The following PFDN1 variants were observed in gnomAD, a reference collection of about 807,000 sequenced individuals.
PFDN1 encodes prefoldin subunit 1.
In PFDN1, 6 loss-of-function variants were observed where a neutral mutation model predicts 17.3. The ratio of observed to expected loss-of-function variants is 0.35; its 90% CI spans 0.19 to 0.69. The LOEUF is 0.69. Ranked by LOEUF, PFDN1 falls within the 30% of genes least tolerant of loss-of-function variation. PFDN1 has a pLI of 0.65. For synonymous variants in PFDN1, 58 were observed against 50.1 expected, an observed-to-expected ratio of 1.16 and a Z score of -0.67; for missense variants, 113 against 146.2, an observed-to-expected ratio of 0.77 and a Z score of 1.17.
chr5:140,280,433 GT>G (rs905259884), intron 3 of PFDN1, among the ~76,000 whole-genome samples: 1 of 152,012 alleles, frequency 6.6e-6, no homozygotes, highest in South Asian at 2.1e-4. Context: ...TCTTTACTTG[GT>G]TTTTTTGCTT....
At chr5:140,300,777 T>C (rs187360233) in intron 1 of PFDN1, among the ~76,000 whole-genome samples, 195 bp from the exon 2 acceptor site, 39 of 152,328 alleles carry the variant, frequency 2.6e-4, no homozygotes, top group Admixed American at 1.7e-3. Context: ...CATCAGAAGA[T>C]ACAATCAGTG....
In PFDN1 at chr5:140,296,556, T is replaced by C. The variant is rs186603969; in HGVS notation, c.200+3860A>G. Among the ~76,000 whole-genome samples, 6 of 152,256 alleles carry C rather than the reference T, an allele frequency of 3.9e-5. 1 individual carries two copies. The highest frequency in any genetic ancestry group is 3.3e-4 in the Admixed American group (5 of 15,294). The stretch of plus-strand genomic sequence containing the variant: ...GGCAAAGTAAGAGTAGAGCTATGTC[T>C]TGAAGGATAAGAATTTCACAAGGAA... On this transcript the variant is annotated intron_variant, in intron 2 of 3. Coordinates refer to ENST00000261813, the MANE Select transcript of PFDN1 (RefSeq NM_002622.5).
intron 2 of PFDN1, among the ~76,000 whole-genome samples, chr5:140,290,867 A>C (rs915648620): frequency 5.9e-5 from 9 of 152,220 alleles, no homozygotes; most frequent in African/African-American, 2.2e-4. Context: ...GGGTAGAAGA[A>C]GGGAAAAAAT....
rs1301233927 is a variant in PFDN1 at position 140,251,883 on chromosome 5, CA to C, written c.286-5827del. Among the ~76,000 whole-genome samples the C allele has an allele frequency of 1.2e-3, 188 of 152,308 alleles. 2 individuals are homozygous for C. The highest frequency in any genetic ancestry group is 2.1e-4 in the Non-Finnish European group (14 of 68,016). On this transcript the variant is annotated intron_variant, in intron 3 of 3. Coordinates refer to ENST00000261813, the MANE Select transcript of PFDN1 (RefSeq NM_002622.5). ...TCCCTAGAACTTTTCTGACATGACACAATCTCTCAAATAGACTCCTGAGGTA... is the reference window on the plus strand; with the variant it reads ...TCCCTAGAACTTTTCTGACATGACACATCTCTCAAATAGACTCCTGAGGTA...
At chr5:140,257,838 T>C (rs905004026) in intron 3 of PFDN1, among the ~76,000 whole-genome samples, 4 of 152,086 alleles carry the variant, frequency 2.6e-5, no homozygotes, top group African/African-American at 7.2e-5. Context: ...TTAGCTACCA[T>C]TGTAATAAGG....
At chr5:140,300,041 A>G (rs964624361) in intron 2 of PFDN1, among the ~76,000 whole-genome samples, 16 of 151,876 alleles carry the variant, frequency 1.1e-4, no homozygotes, top group African/African-American at 3.9e-4. Context: ...ACTTTAAACC[A>G]AAGTTTCTTT....
chr5:140,302,985 A>G (rs543719308), intron 1 of PFDN1, 56 bp downstream of exon 1: 40 of 1,202,332 alleles, frequency 3.3e-5, no homozygotes, highest in African/African-American at 6.0e-5. Context: ...ATTCTTGTCT[A>G]TAGTCCCCTC....
chr5:140,253,152 G>A (rs1236888918), intron 3 of PFDN1, among the ~76,000 whole-genome samples: 1 of 152,200 alleles, frequency 6.6e-6, no homozygotes, highest in Admixed American at 6.5e-5. Flanking sequence ...TACTACTTTA[G>A]AAATATCCTT....
intron 3 of PFDN1, among the ~76,000 whole-genome samples, chr5:140,279,504 G>T (rs1033319826): frequency 9.0e-5 from 13 of 145,140 alleles, no homozygotes; most frequent in South Asian, 2.2e-4. Flanking sequence ...GGGTTTTTGT[G>T]TTTTTTTTTT....
chr5:140,255,951 A>G (rs1191463621), intron 3 of PFDN1, among the ~76,000 whole-genome samples: 1 of 152,042 alleles, frequency 6.6e-6, no homozygotes, highest in South Asian at 2.1e-4. Context: ...TCCTCTAATG[A>G]ATTGGCTGTG....
chr5:140,295,919 A>G (rs1765646844), intron 2 of PFDN1, among the ~76,000 whole-genome samples: 2 of 152,102 alleles, frequency 1.3e-5, no homozygotes, highest in African/African-American at 2.4e-5. Flanking sequence ...AAATACATTG[A>G]TATTATTATG....
In PFDN1 at chr5:140,245,604, T is replaced by TC. The variant is rs1764817362; in HGVS notation, c.*369dup. The TC allele has an allele frequency of 1.4e-6, 1 of 701,476 alleles. No individual in the cohort carries two copies. The highest frequency in any genetic ancestry group is 2.6e-6 in the Non-Finnish European group (1 of 384,784). 43.5% of individuals were successfully genotyped at this position (701,476 alleles called of 1,614,324 possible). A position where few individuals can be genotyped will look rare whatever the true frequency, so the allele number is the denominator to read the frequency against. ...ACTGCCTCTCTCACCCTCTGTTCCA[T>TC]CCCTCTGCTCAAGAAAACCAGGCTT... On this transcript the variant is annotated 3_prime_UTR_variant, in exon 4 of 4. Coordinates refer to ENST00000261813, the MANE Select transcript of PFDN1 (RefSeq NM_002622.5).
intron 3 of PFDN1, among the ~76,000 whole-genome samples, chr5:140,247,570 T>A (rs1357987136): frequency 6.6e-6 from 1 of 152,212 alleles, no homozygotes; most frequent in Non-Finnish European, 1.5e-5. Context: ...TCCTTAAGGC[T>A]AGAAAGAACC....
chr5:140,263,067 T>A (rs1448941484), intron 3 of PFDN1, among the ~76,000 whole-genome samples: 1 of 152,252 alleles, frequency 6.6e-6, no homozygotes, highest in Non-Finnish European at 1.5e-5. Flanking sequence ...CAGGTACTTT[T>A]CATAAGGGAT....
At chr5:140,281,831 T>C in intron 2 of PFDN1, 1 of 251,824 alleles carries the variant, frequency 4.0e-6, no homozygotes, top group Non-Finnish European at 7.5e-6. Context: ...TGAGCCCAGG[T>C]GTCTGAGTCT....
At chr5:140,247,664 C>T (rs568694068) in intron 3 of PFDN1, among the ~76,000 whole-genome samples, 1 of 152,352 alleles carries the variant, frequency 6.6e-6, no homozygotes, top group East Asian at 1.9e-4. Flanking sequence ...CATGGCCAGA[C>T]ACAGTGGCTC....
intron 3 of PFDN1, among the ~76,000 whole-genome samples, chr5:140,272,993 A>G (rs1368468187): frequency 1.3e-5 from 2 of 152,200 alleles, no homozygotes. Context: ...ACATTCTATC[A>G]TTGGCTCTGC....
At chr5:140,293,643 T>C (rs1765611738) in intron 2 of PFDN1, among the ~76,000 whole-genome samples, 1 of 152,100 alleles carries the variant, frequency 6.6e-6, no homozygotes, top group Non-Finnish European at 1.5e-5. Context: ...AACAGGACTA[T>C]GTAATTCTTA....
rs1176702742 is a variant in PFDN1 at position 140,245,572 on chromosome 5, G to A, written c.*402C>T. On this transcript the variant is annotated 3_prime_UTR_variant, in exon 4 of 4. Coordinates refer to ENST00000261813, the MANE Select transcript of PFDN1 (RefSeq NM_002622.5). The stretch of plus-strand genomic sequence containing the variant: ...CAGAGGGAGCAGGAGCTGAGGTGGA[G>A]ACGGCCACTGCCTCTCTCACCCTCT... The A allele has an allele frequency of 4.3e-6, 3 of 702,528 alleles. No homozygotes were observed. The highest frequency in any genetic ancestry group is 7.8e-6 in the Non-Finnish European group (3 of 385,002). The allele number at this position is 702,528 out of a possible 1,614,324, so 43.5% of individuals were successfully genotyped here.
Sources: allele counts gnomAD v4.1 joint callset (sites outside exome capture counted in the v4.1 genomes callset), GRCh38; gene constraint gnomAD v4.1.1; transcripts MANE v1.5; gene names NCBI Gene and HGNC (gene_info 2026-07-23, HGNC 2026-07-21).